PRELID2: variants seen among roughly 807,000 people sequenced by gnomAD.
PRELID2 encodes PRELI domain-containing protein 2.
PRELID2 carries 25 observed loss-of-function variants against 28.4 expected under a neutral mutation model. The observed-to-expected ratio is 0.88, with a 90% CI of 0.64 to 1.23. The LOEUF is 1.23. Among genes scored for constraint, PRELID2 ranks in the 50% most tolerant of loss-of-function variants. The probability of loss-of-function intolerance (pLI) is 0.00; values close to 1 mark genes in which losing one functional copy is unlikely to be tolerated. For missense variants in PRELID2, 201 were observed against 214.4 expected (o/e 0.94, Z 0.39); for synonymous variants, 76 against 71.6 (o/e 1.06, Z -0.31).
At chr5:145,313,675 C>G in the PRELID2 span, among the ~76,000 whole-genome samples, 2 of 152,134 alleles carry the variant, frequency 1.3e-5, no homozygotes, top group African/African-American at 2.4e-5. Flanking sequence ...GGAGGCGGCG[C>G]AATTCTGAGG....
At position 145,732,568 on chromosome 5, in the gene PRELID2, T is replaced by G. The variant is rs975323614; in HGVS notation, n.70+32363A>C. On this transcript the variant is annotated intron_variant and non_coding_transcript_variant, in intron 1 of 2. Coordinates refer to the PRELID2 transcript ENST00000510259. ...AATTGGATATAATGTTAAGTAATTT[T>G]AATTTGAATTTAAATAGTCACATGA... 5.9e-5 allele frequency among the ~76,000 whole-genome samples: 9 copies of G among 152,248 alleles called. No homozygotes were observed. In the South Asian group the frequency reaches 6.2e-4, roughly 10 times the overall value.
chr5:145,257,498 A>C, the PRELID2 span, among the ~76,000 whole-genome samples: 3 of 152,194 alleles, frequency 2.0e-5, no homozygotes, highest in Non-Finnish European at 1.5e-5. Flanking sequence ...TAGAATCCAC[A>C]TATAAACAAA....
chr5:145,253,578 G>A, the PRELID2 span, among the ~76,000 whole-genome samples: 1 of 151,954 alleles, frequency 6.6e-6, no homozygotes, highest in Non-Finnish European at 1.5e-5. Flanking sequence ...TGCAAGTCAT[G>A]GCTTCAGGAT....
intron 1 of PRELID2, among the ~76,000 whole-genome samples, chr5:145,721,651 A>C: frequency 6.6e-6 from 1 of 152,192 alleles, no homozygotes; most frequent in East Asian, 1.9e-4. Flanking sequence ...ATCTTCTAAA[A>C]TAAAAATATT....
intron 1 of PRELID2, among the ~76,000 whole-genome samples, chr5:145,696,623 G>C (rs111640126): frequency 0.024 from 3,717 of 151,920 alleles, 108 homozygotes; most frequent in African/African-American, 0.069. Flanking sequence ...CACCACACCT[G>C]GCTAATTTTT....
intron 5 of PRELID2, among the ~76,000 whole-genome samples, chr5:145,769,135 C>T (rs1757952983): frequency 1.3e-5 from 2 of 152,184 alleles, no homozygotes; most frequent in South Asian, 4.1e-4. Context: ...GCAGAACAAA[C>T]ATTAAGTGGA....
At chr5:145,334,033 G>A in the PRELID2 span, among the ~76,000 whole-genome samples, 4 of 152,140 alleles carry the variant, frequency 2.6e-5, no homozygotes, top group Non-Finnish European at 5.9e-5. Flanking sequence ...GCTAGGGGAG[G>A]GAATTCCCTT....
intron 1 of PRELID2, among the ~76,000 whole-genome samples, chr5:145,473,871 A>G (rs1195571593): frequency 6.6e-6 from 1 of 152,230 alleles, no homozygotes; most frequent in Non-Finnish European, 1.5e-5. Flanking sequence ...ATATAAAAAT[A>G]TATACAACAA....
the PRELID2 span, among the ~76,000 whole-genome samples, chr5:145,367,098 C>T: frequency 5.3e-5 from 8 of 151,720 alleles, no homozygotes; most frequent in African/African-American, 1.5e-4. Context: ...TAGATGTTTC[C>T]TCTGTCTGCA....
chr5:145,647,530 C>T (rs1754219430), intron 1 of PRELID2, among the ~76,000 whole-genome samples: 1 of 152,020 alleles, frequency 6.6e-6, no homozygotes, highest in Admixed American at 6.6e-5. Context: ...GGGGAGTGAA[C>T]GGTTCTGTCT....
rs1015731252 is a variant in PRELID2 at position 145,771,113 on chromosome 5, A to G, written c.475-6113T>C. 3.9e-5 allele frequency among the ~76,000 whole-genome samples: 6 copies of G among 151,928 alleles called. No homozygotes were observed. In the East Asian group the frequency reaches 9.7e-4, roughly 24 times the overall value. Reference sequence around the variant, plus strand: ...TTCATTCACAGTAAGTGTCCTATACAGGTATACCCTTTTTTTAATCTTTTA... The same window carrying G: ...TTCATTCACAGTAAGTGTCCTATACGGGTATACCCTTTTTTTAATCTTTTA... On this transcript the variant is annotated intron_variant, in intron 5 of 6. Coordinates refer to ENST00000683046, the MANE Select transcript of PRELID2 (RefSeq NM_205846.3).
At chr5:145,682,316 G>A (rs1754952824) in intron 1 of PRELID2, among the ~76,000 whole-genome samples, 1 of 152,116 alleles carries the variant, frequency 6.6e-6, no homozygotes, top group African/African-American at 2.4e-5. Context: ...CCTCTGATGG[G>A]GGAACCTCAC....
rs752942679 is a variant in PRELID2, at chr5:145,760,242, A to C, written c.*294T>G. Reference sequence around the variant, plus strand: ...GAACACCCTGAGGAAGGGCACACATATCTTACATGGTTCTTTTTTCCTTTA... The same window carrying C: ...GAACACCCTGAGGAAGGGCACACATCTCTTACATGGTTCTTTTTTCCTTTA... On this transcript the variant is annotated 3_prime_UTR_variant, in exon 7 of 7. Coordinates refer to ENST00000683046, the MANE Select transcript of PRELID2 (RefSeq NM_205846.3). 2.6e-5 allele frequency: 4 copies of C among 152,088 alleles called. No individual in the cohort carries two copies. The highest frequency in any genetic ancestry group is 4.4e-5 in the Non-Finnish European group (3 of 68,038). 9.4% of individuals were successfully genotyped at this position (152,088 alleles called of 1,614,324 possible). A position where few individuals can be genotyped will look rare whatever the true frequency, so the allele number is the denominator to read the frequency against.
intron 1 of PRELID2, among the ~76,000 whole-genome samples, chr5:145,581,126 T>A (rs966126585): frequency 2.0e-5 from 3 of 151,970 alleles, no homozygotes; most frequent in Admixed American, 2.0e-4. Flanking sequence ...CTCTTCCTAG[T>A]ACAGAAGCCC....
the PRELID2 span, among the ~76,000 whole-genome samples, chr5:145,441,571 A>C: frequency 6.6e-6 from 1 of 152,134 alleles, no homozygotes; most frequent in Non-Finnish European, 1.5e-5. Context: ...GTCAGGTCTT[A>C]ACTGTAAGCA....
At chr5:145,423,219 GT>G in the PRELID2 span, among the ~76,000 whole-genome samples, 1 of 150,864 alleles carries the variant, frequency 6.6e-6, no homozygotes. Flanking sequence ...GTGTCTTGGA[GT>G]TGCTCTTCTC....
chr5:145,295,447 T>G, the PRELID2 span, among the ~76,000 whole-genome samples: 10 of 152,094 alleles, frequency 6.6e-5, no homozygotes, highest in Non-Finnish European at 1.5e-4. Flanking sequence ...CATTGGAAAG[T>G]GGTGGTTGAA....
intron 1 of PRELID2, among the ~76,000 whole-genome samples, chr5:145,566,116 G>C (rs773214627): frequency 1.2e-4 from 18 of 152,254 alleles, no homozygotes; most frequent in African/African-American, 4.3e-4. Context: ...GCTATACCAC[G>C]CAGGTTACTA....
intron 1 of PRELID2, among the ~76,000 whole-genome samples, chr5:145,677,452 G>A (rs2149686835): frequency 6.6e-6 from 1 of 152,208 alleles, no homozygotes; most frequent in East Asian, 1.9e-4. Flanking sequence ...ACCATGCCTG[G>A]CTGAAATTAT....
Sources: gnomAD v4.1 joint callset for allele counts (sites outside exome capture counted in the v4.1 genomes callset) on GRCh38, gnomAD v4.1.1 for gene constraint, MANE v1.5 for transcripts, NCBI Gene and HGNC (gene_info 2026-07-23, HGNC 2026-07-21) for gene names.